CLDN10: variants seen among roughly 807,000 people sequenced by gnomAD.
The protein encoded by CLDN10 is claudin-10.
CLDN10 carries 15 observed loss-of-function variants against 22.9 expected under a neutral mutation model. The observed-to-expected ratio is 0.65, with a 90% CI of 0.44 to 1.01. The LOEUF (loss-of-function observed/expected upper bound fraction) is 1.01. CLDN10 is among the 50% of genes least tolerant of loss of function. The pLI is 0.00. For missense variants in CLDN10, 247 were observed against 287.8 expected (o/e 0.86, Z 1.03); for synonymous variants, 114 against 111.4 (o/e 1.02, Z -0.15).
chr13:95,444,889 G>A (rs1296867438), intron 1 of CLDN10, among the ~76,000 whole-genome samples: 3 of 152,126 alleles, frequency 2.0e-5, no homozygotes, highest in Admixed American at 2.0e-4. Flanking sequence ...GCTCCTCCAG[G>A]GTTCAAGTGA....
In CLDN10 at chr13:95,446,783, A is replaced by G. The variant is rs551499176; in HGVS notation, c.214+12736A>G. On this transcript the variant is annotated intron_variant, in intron 1 of 4. Transcript: ENST00000376873. ...CTTGAACCCAGGAGGTAGAGGTTGCAGTGAACCGAGATTGTGCCACTGCAC... is the reference window on the plus strand; with the variant it reads ...CTTGAACCCAGGAGGTAGAGGTTGCGGTGAACCGAGATTGTGCCACTGCAC... Among the ~76,000 whole-genome samples, 61 of 152,244 alleles carry G rather than the reference A, an allele frequency of 4.0e-4. 1 individual carries two copies. The South Asian group carries it at 7.9e-3, about 20-fold the overall frequency.
chr13:95,499,859 A>G (rs2042966901), intron 1 of CLDN10, among the ~76,000 whole-genome samples: 1 of 152,246 alleles, frequency 6.6e-6, no homozygotes, highest in Non-Finnish European at 1.5e-5. Context: ...TCTGGGCCAC[A>G]TTGGAAGAAT....
rs541902876 is a variant in CLDN10 at position 95,520,076 on chromosome 13, G to A, written c.215-40056G>A. 1.6e-4 allele frequency among the ~76,000 whole-genome samples: 25 copies of A among 152,300 alleles called. No homozygotes were observed. The East Asian group carries it at 4.6e-3, about 28-fold the overall frequency. On this transcript the variant is annotated intron_variant, in intron 1 of 4. Transcript: ENST00000376873. ...TGTGTGTGTTTGTTCAGATGAACAT[G>A]CGTATGCCTGTGCTCTAGTGAGTGC...
At chr13:95,536,191 A>AT (rs1033437399) in intron 1 of CLDN10, among the ~76,000 whole-genome samples, 1 of 151,670 alleles carries the variant, frequency 6.6e-6, no homozygotes, top group African/African-American at 2.4e-5. Context: ...TTGAAAAAAA[A>AT]AAAAGTCCTT....
chr13:95,520,144 C>T (rs1385043332), intron 1 of CLDN10, among the ~76,000 whole-genome samples: 2 of 152,076 alleles, frequency 1.3e-5, no homozygotes, highest in East Asian at 3.8e-4. Flanking sequence ...TAACCCTAAC[C>T]CTAAACCTAA....
chr13:95,442,600 T>A (rs891582532), intron 1 of CLDN10, among the ~76,000 whole-genome samples: 1 of 152,214 alleles, frequency 6.6e-6, no homozygotes, highest in Non-Finnish European at 1.5e-5. Context: ...AGGCCCCCTT[T>A]GGGCTCCACA....
At chr13:95,552,714 G>C, upstream of CLDN10, 6 of 1,577,942 alleles carry the variant, frequency 3.8e-6, no homozygotes, top group Non-Finnish European at 5.2e-6. Flanking sequence ...TCGCGGCGCA[G>C]AGTGGGAGCC....
At chr13:95,574,795 G>T (rs888417157) in intron 3 of CLDN10, among the ~76,000 whole-genome samples, 3 of 152,120 alleles carry the variant, frequency 2.0e-5, no homozygotes, top group East Asian at 1.9e-4. Flanking sequence ...ACATAAAAAA[G>T]GATATATTTA....
At chr13:95,460,483 A>G (rs906457769) in intron 1 of CLDN10, among the ~76,000 whole-genome samples, 13 of 152,164 alleles carry the variant, frequency 8.5e-5, no homozygotes, top group Non-Finnish European at 1.8e-4. Context: ...GTAGAAGGCG[A>G]AAAAGCCACC....
chr13:95,506,051 T>C (rs1331886234), intron 1 of CLDN10, among the ~76,000 whole-genome samples: 1 of 152,174 alleles, frequency 6.6e-6, no homozygotes, highest in Non-Finnish European at 1.5e-5. Context: ...CTTTCTGTCT[T>C]CAAAGGAGAA....
At chr13:95,528,731 C>T (rs988870880) in intron 1 of CLDN10, 1 of 152,046 alleles carries the variant, frequency 6.6e-6, no homozygotes, top group African/African-American at 2.4e-5. Flanking sequence ...GAGCTCATGG[C>T]AGCAGAAAAA....
intron 3 of CLDN10, among the ~76,000 whole-genome samples, chr13:95,574,395 G>A (rs890644589): frequency 6.6e-6 from 1 of 152,100 alleles, no homozygotes; most frequent in Non-Finnish European, 1.5e-5. Flanking sequence ...TTAAATGTTT[G>A]TCTCCAACAT....
At chr13:95,505,369 A>C (rs1209105350) in intron 1 of CLDN10, among the ~76,000 whole-genome samples, 1 of 152,236 alleles carries the variant, frequency 6.6e-6, no homozygotes, top group African/African-American at 2.4e-5. Context: ...GCTCAAATGC[A>C]GAGAGCCACA....
intron 1 of CLDN10, among the ~76,000 whole-genome samples, chr13:95,485,128 C>T (rs1890373): frequency 0.59 from 89,945 of 151,626 alleles, 27,914 homozygotes; most frequent in African/African-American, 0.79. Context: ...GGGGTTGCAG[C>T]TGGGAACAGA....
chr13:95,547,248 A>T (rs752506298), intron 1 of CLDN10, among the ~76,000 whole-genome samples: 1 of 151,504 alleles, frequency 6.6e-6, no homozygotes, highest in African/African-American at 2.4e-5. Flanking sequence ...CTCACTCCCA[A>T]CCACTTTTGC....
At chr13:95,475,036 C>A (rs1447597288) in intron 1 of CLDN10, among the ~76,000 whole-genome samples, 1 of 152,146 alleles carries the variant, frequency 6.6e-6, no homozygotes, top group Non-Finnish European at 1.5e-5. Context: ...GCTTCACAGA[C>A]AGAGTGAATT....
At chr13:95,514,925 C>T (rs1157548357) in intron 1 of CLDN10, among the ~76,000 whole-genome samples, 1 of 152,052 alleles carries the variant, frequency 6.6e-6, no homozygotes, top group Non-Finnish European at 1.5e-5. Flanking sequence ...ATGGAGATGG[C>T]GCTGAAGATG....
intron 1 of CLDN10, among the ~76,000 whole-genome samples, chr13:95,493,385 T>C (rs921358980): frequency 2.0e-5 from 3 of 152,126 alleles, no homozygotes; most frequent in Non-Finnish European, 2.9e-5. Flanking sequence ...CGCATTGTTA[T>C]GCAACCATCA....
chr13:95,477,683 C>T (rs869530), intron 1 of CLDN10, among the ~76,000 whole-genome samples: 17,544 of 152,068 alleles, frequency 0.12, 1,126 homozygotes, highest in South Asian at 0.22. Flanking sequence ...TCCTGCCAAC[C>T]CTACTGTGGA....
Sources: allele counts gnomAD v4.1 joint callset (sites outside exome capture counted in the v4.1 genomes callset), GRCh38; gene constraint gnomAD v4.1.1; transcripts MANE v1.5; gene names NCBI Gene and HGNC (gene_info 2026-07-23, HGNC 2026-07-21).